The following CHEK2 variants were observed in gnomAD, a reference collection of about 807,000 sequenced individuals.
CHEK2 encodes the protein checkpoint kinase 2, also known as serine/threonine-protein kinase Chk2.
CHEK2 carries 71 observed loss-of-function variants against 69.1 expected under a neutral mutation model. The observed-to-expected ratio is 1.03, with a 90% CI of 0.85 to 1.25. The LOEUF is 1.25. CHEK2 is among the 50% of genes most tolerant of loss of function. The pLI is 0.00. For synonymous variants in CHEK2, 189 were observed against 226.9 expected (o/e 0.83, Z 1.50); for missense variants, 664 against 649.6 (o/e 1.02, Z -0.24).
chr22:28,724,281 G>C (rs1009285152), intron 4 of CHEK2, among the ~76,000 whole-genome samples: 4 of 151,894 alleles, frequency 2.6e-5, no homozygotes, highest in Admixed American at 2.6e-4. Context: ...GGTGGCAGGA[G>C]CCTGTAATCC....
chr22:28,703,599 TGA>T, intron 7 of CHEK2, 33 bp from the exon 8 acceptor site: 1 of 1,360,902 alleles, frequency 7.3e-7, no homozygotes, highest in Non-Finnish European at 1.0e-6. Flanking sequence ...GGGAAAGTAG[TGA>T]GAAACTCCCA....
At chr22:28,701,945 C>T (rs2052868296) in intron 8 of CHEK2, among the ~76,000 whole-genome samples, 1 of 136,830 alleles carries the variant, frequency 7.3e-6, no homozygotes, top group African/African-American at 2.7e-5. Flanking sequence ...GTATATCATC[C>T]CATATACTAT....
intron 5 of CHEK2, among the ~76,000 whole-genome samples, chr22:28,714,901 C>T (rs927366956): frequency 6.6e-6 from 1 of 152,132 alleles, no homozygotes; most frequent in Non-Finnish European, 1.5e-5. Context: ...AAACAGTCAC[C>T]CTTTGCCTGG....
chr22:28,736,502 T>C (rs933749854), intron 1 of CHEK2, among the ~76,000 whole-genome samples: 2 of 152,218 alleles, frequency 1.3e-5, no homozygotes, highest in Non-Finnish European at 2.9e-5. Flanking sequence ...TTTGTGATGC[T>C]AAATAACCAT....
chr22:28,717,405 C>T (rs1009523752), intron 5 of CHEK2, among the ~76,000 whole-genome samples: 13 of 151,748 alleles, frequency 8.6e-5, no homozygotes, highest in Non-Finnish European at 1.8e-4. Context: ...TGTAACTCAT[C>T]TTAACATGTA....
chr22:28,728,547 A>C (rs570092946), intron 2 of CHEK2, among the ~76,000 whole-genome samples: 15 of 152,162 alleles, frequency 9.9e-5, no homozygotes, highest in East Asian at 3.9e-4. Flanking sequence ...CAAAACAAAA[A>C]AAAATTTAGC....
chr22:28,705,790 G>A (rs141059616), intron 7 of CHEK2, among the ~76,000 whole-genome samples: 1,761 of 151,666 alleles, frequency 0.012, 38 homozygotes, highest in African/African-American at 0.041. Flanking sequence ...GCTGGGCGTG[G>A]TGGTGCATGC....
chr22:28,727,508 T>C (rs866071141), intron 2 of CHEK2, among the ~76,000 whole-genome samples: 1 of 152,206 alleles, frequency 6.6e-6, no homozygotes, highest in Admixed American at 6.6e-5. Context: ...GCTGGAGACC[T>C]CTTGTTTAAC....
intron 10 of CHEK2, among the ~76,000 whole-genome samples, chr22:28,696,394 G>A (rs1447690898): frequency 2.0e-5 from 3 of 152,166 alleles, no homozygotes; most frequent in Non-Finnish European, 2.9e-5. Context: ...CCTATTCTGA[G>A]ATGATGTCTG....
Position 28,737,644 on chromosome 22 carries a change from A to G in CHEK2, c.-6-2917T>C, listed in dbSNP as rs1569175716. Among the ~76,000 whole-genome samples, 4 of 151,008 alleles carry G rather than the reference A, an allele frequency of 2.6e-5. No individual in the cohort carries two copies. The South Asian group carries it at 8.4e-4, about 32-fold the overall frequency. On this transcript the variant is annotated intron_variant, in intron 1 of 14. Transcript: ENST00000404276. ...ACCACCATGCCCGGCTAATTTGTAT[A>G]TTTTTTTTAGTAGAGACAGGGTTTT...
intron 1 of CHEK2, among the ~76,000 whole-genome samples, chr22:28,741,220 A>T (rs891511339): frequency 4.6e-5 from 7 of 151,834 alleles, no homozygotes; most frequent in South Asian, 2.1e-4. Context: ...AAAATAAATA[A>T]TTTTTTTTAA....
At chr22:28,733,074 G>A (rs2054265882) in intron 2 of CHEK2, among the ~76,000 whole-genome samples, 1 of 152,182 alleles carries the variant, frequency 6.6e-6, no homozygotes, top group Non-Finnish European at 1.5e-5. Context: ...TTACAGGCGT[G>A]AGCCACCATG....
Position 28,694,113 on chromosome 22 carries a change from C to T in CHEK2, c.1380G>A (p.Leu460=), listed in dbSNP as rs2145786561. 6.3e-7 allele frequency: 1 copy of T among 1,591,856 alleles called. No homozygotes were observed. The highest frequency in any genetic ancestry group is 8.5e-7 in the Non-Finnish European group (1 of 1,175,842). Residue 460 remains leucine (L), a synonymous_variant, in exon 13 of 15, where the codon CTG becomes CTA. Transcript: ENST00000404276. ...CTACCAACAACTTCTTGACAAGGTCCAGAGCTAAAGCAACAATTGGGCAAA... is the reference window on the plus strand; with the variant it reads ...CTACCAACAACTTCTTGACAAGGTCTAGAGCTAAAGCAACAATTGGGCAAA... The part of the protein sequence containing the change: ...EVWAEVSEKA[L]DLVKKLLVVD...
At chr22:28,737,402 A>G (rs746451168) in intron 1 of CHEK2, 1 of 396,258 alleles carries the variant, frequency 2.5e-6, no homozygotes, top group Non-Finnish European at 5.1e-6. Context: ...TGGGGCCATT[A>G]TTAAATATAA....
At chr22:28,688,480 C>G (rs1233539719) in intron 14 of CHEK2, among the ~76,000 whole-genome samples, 2 of 152,200 alleles carry the variant, frequency 1.3e-5, no homozygotes, top group African/African-American at 4.8e-5. Context: ...ACAAGCCTGA[C>G]CAACATGGCA....
intron 8 of CHEK2, 116 bp downstream of exon 8, chr22:28,703,389 T>C: frequency 1.5e-6 from 1 of 680,518 alleles, no homozygotes; most frequent in Non-Finnish European, 2.7e-6. Flanking sequence ...GCCCCACTAC[T>C]ACATACATAC....
At position 28,687,917 on chromosome 22, in the gene CHEK2, C is replaced by T. The variant is rs1064794950; in HGVS notation, c.1612G>A (p.Val538Met). 1 of 1,596,358 alleles carries T rather than the reference C, an allele frequency of 6.3e-7. No individual in the cohort carries two copies. The highest frequency in any genetic ancestry group is 8.5e-7 in the Non-Finnish European group (1 of 1,179,674). The change falls in exon 15 of 15, where the codon GTG (valine) becomes ATG (methionine). Residue 538 changes from valine (V) to methionine (M), a missense_variant. By Grantham distance (21) the Val-to-Met change is conservative. Coordinates refer to ENST00000404276, the MANE Select transcript of CHEK2 (RefSeq NM_007194.4). ...EGAETTKRPAVCAAVL is the reference protein window; with the variant it reads ...EGAETTKRPAMCAAVL ...GGAGTTCACAACACAGCAGCACACA[C>T]AGCTGGGCGCTTTGTGGTCTCGGCA... is the stretch of plus-strand genomic sequence containing the variant.
Position 28,696,962 on chromosome 22 carries a change from T to C in CHEK2, c.1034A>G (p.His345Arg), listed in dbSNP as rs1555914342. ...VQYLHENGII[H>R]RDLKPENVLL... ...AACATTCTCTGGCTTTAAGTCACGGTGTATAATACCGTTTTCATGAAGGTA... is the reference window on the plus strand; with the variant it reads ...AACATTCTCTGGCTTTAAGTCACGGCGTATAATACCGTTTTCATGAAGGTA... Residue 345 changes from histidine to arginine, a missense_variant, in exon 10 of 15, where the codon CAC becomes CGC. His to Arg is a conservative substitution (Grantham distance 29, BLOSUM62 0). Transcript: ENST00000404276. 6.2e-7 allele frequency: 1 copy of C among 1,612,960 alleles called. No homozygotes were observed. The highest frequency in any genetic ancestry group is 8.5e-7 in the Non-Finnish European group (1 of 1,178,984).
intron 6 of CHEK2, 24 bp downstream of exon 6, chr22:28,711,885 G>T: frequency 6.8e-7 from 1 of 1,471,504 alleles, no homozygotes; most frequent in Non-Finnish European, 9.5e-7. Context: ...AATAAAAGGT[G>T]ATCAGCCTTT....
Sources: gnomAD v4.1 joint callset for allele counts (sites outside exome capture counted in the v4.1 genomes callset) on GRCh38, gnomAD v4.1.1 for gene constraint, MANE v1.5 for transcripts, NCBI Gene and HGNC (gene_info 2026-07-23, HGNC 2026-07-21) for gene names.